Variants in PAG1 observed in about 807,000 individuals in gnomAD.
PAG1 encodes the protein phosphoprotein associated with glycosphingolipid-enriched microdomains 1.
A neutral mutation model predicts 31.7 loss-of-function variants in PAG1; 23 were observed. The ratio of observed to expected loss-of-function variants is 0.73; its 90% confidence interval spans 0.52 to 1.03. The LOEUF is 1.03. PAG1 is among the 50% of genes least tolerant of loss of function. The pLI, the probability that PAG1 is intolerant of heterozygous loss-of-function variation, is 0.00. For missense variants in PAG1, 473 were observed against 540.7 expected, an observed-to-expected ratio of 0.87 and a Z score of 1.24; for synonymous variants, 214 against 210.3, an observed-to-expected ratio of 1.02 and a Z score of -0.15.
chr8:80,994,307 A>AAATG (rs1807627437), intron 3 of PAG1, among the ~76,000 whole-genome samples: 1 of 152,248 alleles, frequency 6.6e-6, no homozygotes, highest in Non-Finnish European at 1.5e-5. Context: ...ATGCATTTTC[A>AAATG]AATGAATGAA....
At chr8:81,041,475 G>A (rs971026500) in intron 2 of PAG1, among the ~76,000 whole-genome samples, 25 of 152,158 alleles carry the variant, frequency 1.6e-4, no homozygotes, top group African/African-American at 5.8e-4. Flanking sequence ...AAGTATTGCG[G>A]GGGCTGCTGT....
intron 3 of PAG1, among the ~76,000 whole-genome samples, chr8:81,021,055 G>A (rs1053031603): frequency 5.9e-5 from 9 of 152,218 alleles, no homozygotes; most frequent in Admixed American, 4.6e-4. Context: ...CTCTTGCCCC[G>A]CTAGGGGCAT....
chr8:81,018,275 C>T (rs978222254), intron 3 of PAG1, among the ~76,000 whole-genome samples: 1 of 152,204 alleles, frequency 6.6e-6, no homozygotes, highest in African/African-American at 2.4e-5. Flanking sequence ...TCTTAAAGTA[C>T]ATTAGCCTAA....
intron 5 of PAG1, 84 bp downstream of exon 5, chr8:80,991,395 G>T: frequency 9.3e-7 from 1 of 1,073,396 alleles, no homozygotes; most frequent in Non-Finnish European, 1.5e-6. Flanking sequence ...CTCAGGCTGT[G>T]AGCACATGGG....
At chr8:81,109,323 A>G (rs1475709026) in intron 1 of PAG1, among the ~76,000 whole-genome samples, 1 of 152,214 alleles carries the variant, frequency 6.6e-6, no homozygotes, top group African/African-American at 2.4e-5. Flanking sequence ...TTCATTTGCA[A>G]GTTGAGGCAG....
chr8:81,029,492 G>A (rs951239496), intron 3 of PAG1, among the ~76,000 whole-genome samples: 1 of 152,048 alleles, frequency 6.6e-6, no homozygotes, highest in South Asian at 2.1e-4. Context: ...TACTTAGCAG[G>A]TATTTTCATA....
At chr8:80,986,715 G>A (rs1586144585) in intron 6 of PAG1, among the ~76,000 whole-genome samples, 1 of 151,532 alleles carries the variant, frequency 6.6e-6, no homozygotes, top group East Asian at 1.9e-4. Flanking sequence ...GTGGAATTAA[G>A]GCTGTTAATT....
At position 81,041,955 on chromosome 8, in the gene PAG1, G is replaced by A. The variant is rs1198914139; in HGVS notation, c.-174-11866C>T. On this transcript the variant is annotated intron_variant, in intron 2 of 8. Transcript: ENST00000220597. ...CTGCATTTTTACTTTGTAAGCTATT[G>A]TTGGTGGTCCCCCAAAGGGTGCAAT... 3.9e-5 allele frequency among the ~76,000 whole-genome samples: 6 copies of A among 152,166 alleles called. No individual in the cohort carries two copies. In the East Asian group the frequency reaches 1.2e-3, roughly 29 times the overall value.
In PAG1 at chr8:81,033,404, T is replaced by A. The variant is rs554589687; in HGVS notation, c.-174-3315A>T. Among the ~76,000 whole-genome samples, 7 of 152,320 alleles carry A rather than the reference T, an allele frequency of 4.6e-5. No homozygotes were observed. The East Asian group carries it at 1.3e-3, about 29-fold the overall frequency. On this transcript the variant is annotated intron_variant, in intron 2 of 8. Coordinates refer to ENST00000220597, the MANE Select transcript of PAG1 (RefSeq NM_018440.4). ...TGATTATTTCCAAAGGTGATAGAGA[T>A]AATTAGGTTATCAGGGTATAGAGAT...
chr8:81,051,702 G>A (rs1264906058), intron 2 of PAG1, among the ~76,000 whole-genome samples: 4 of 151,870 alleles, frequency 2.6e-5, no homozygotes, highest in African/African-American at 4.8e-5. Context: ...GTACTCTGAT[G>A]TTTCCTTTGA....
chr8:81,054,839 T>C (rs1055299797), intron 2 of PAG1, among the ~76,000 whole-genome samples: 1 of 151,472 alleles, frequency 6.6e-6, no homozygotes, highest in African/African-American at 2.4e-5. Flanking sequence ...GCCCAAGGAG[T>C]CGGCCCTATA....
At chr8:81,032,421 A>G (rs922997284) in intron 2 of PAG1, among the ~76,000 whole-genome samples, 2 of 152,214 alleles carry the variant, frequency 1.3e-5, no homozygotes, top group African/African-American at 4.8e-5. Flanking sequence ...TTCTCCAAAA[A>G]AGATACACAA....
intron 1 of PAG1, among the ~76,000 whole-genome samples, chr8:81,072,125 T>TG (rs903625214): frequency 3.3e-5 from 5 of 152,144 alleles, no homozygotes; most frequent in African/African-American, 9.7e-5. Context: ...TATGCAGGGT[T>TG]GGGGTTCTGC....
At chr8:81,049,691 A>G (rs114958657) in intron 2 of PAG1, among the ~76,000 whole-genome samples, 2,678 of 152,338 alleles carry the variant, frequency 0.018, 85 homozygotes, top group African/African-American at 0.06. Context: ...AGGATTCCTT[A>G]TATCACCATT....
At chr8:81,091,111 G>C (rs1180011568) in intron 1 of PAG1, among the ~76,000 whole-genome samples, 1 of 152,182 alleles carries the variant, frequency 6.6e-6, no homozygotes, top group Non-Finnish European at 1.5e-5. Context: ...TTAATAGATA[G>C]AGCATACAGA....
rs181353526 is a variant in PAG1, at chr8:81,075,343, G to A, written c.-233-5173C>T. Among the ~76,000 whole-genome samples the A allele has an allele frequency of 2.9e-3, 436 of 152,328 alleles. 2 individuals are homozygous for A. Among genetic ancestry groups the A allele is most frequent in the Admixed American group, 5.6e-3 (85 of 15,304 alleles). ...TGTGTATGACATTAGCATGAAAGATGAGGTTGAGTCTAGTTAATGGAGGCT... is the reference window on the plus strand; with the variant it reads ...TGTGTATGACATTAGCATGAAAGATAAGGTTGAGTCTAGTTAATGGAGGCT... On this transcript the variant is annotated intron_variant, in intron 1 of 8. Transcript: ENST00000220597.
At chr8:81,078,141 A>T (rs1809207640) in intron 1 of PAG1, among the ~76,000 whole-genome samples, 1 of 152,214 alleles carries the variant, frequency 6.6e-6, no homozygotes, top group Non-Finnish European at 1.5e-5. Flanking sequence ...TCTGGGTTTG[A>T]AGTACTTAGT....
chr8:81,095,014 A>C lies in PAG1; in HGVS notation c.-234+16577T>G, dbSNP rs920395122. ...GAGAATTAAATGGAATATTAAAGTG[A>C]AAGTACAGTCTTTAGACACAATATT... On this transcript the variant is annotated intron_variant, in intron 1 of 8. Transcript: ENST00000220597. Among the ~76,000 whole-genome samples, 4 of 152,230 alleles carry C rather than the reference A, an allele frequency of 2.6e-5. No individual in the cohort carries two copies. In the East Asian group the frequency reaches 7.7e-4, roughly 29 times the overall value.
chr8:81,017,881 TG>T (rs1420421954), intron 3 of PAG1, among the ~76,000 whole-genome samples: 1 of 152,236 alleles, frequency 6.6e-6, no homozygotes, highest in East Asian at 1.9e-4. Context: ...GTAGCCAAAG[TG>T]GACAGCCACT....
Sources: gnomAD v4.1 joint callset for allele counts (sites outside exome capture counted in the v4.1 genomes callset) on GRCh38, gnomAD v4.1.1 for gene constraint, MANE v1.5 for transcripts, NCBI Gene and HGNC (gene_info 2026-07-23, HGNC 2026-07-21) for gene names.